Variants in MSRB3 observed in about 807,000 individuals in gnomAD.
MSRB3 encodes the protein methionine sulfoxide reductase B3, also known as methionine-R-sulfoxide reductase B3.
In MSRB3, 13 loss-of-function variants were observed where a neutral mutation model predicts 21.0. The observed-to-expected ratio is 0.62, with a 90% CI of 0.40 to 0.98. MSRB3 has a LOEUF of 0.98. Ranked by LOEUF, MSRB3 falls within the 50% of genes least tolerant of loss-of-function variation. The pLI, the probability that MSRB3 is intolerant of heterozygous loss-of-function variation, is 0.00. For synonymous variants in MSRB3, 87 were observed against 88.6 expected (o/e 0.98, Z 0.10); for missense variants, 199 against 230.3 (o/e 0.86, Z 0.88).
intron 2 of MSRB3, among the ~76,000 whole-genome samples, chr12:65,312,079 C>G (rs1289253397): frequency 6.6e-6 from 1 of 152,002 alleles, no homozygotes; most frequent in Non-Finnish European, 1.5e-5. Context: ...TTAGAAAACT[C>G]TAACCAAAGC....
chr12:65,370,756 T>TA lies in MSRB3; in HGVS notation c.292+1738dup, dbSNP rs561271681. On this transcript the variant is annotated intron_variant, in intron 5 of 6. Coordinates refer to ENST00000308259, the MANE Select transcript of MSRB3 (RefSeq NM_001031679.3). ...ACTTATTTTTTTTCAAGTTCTTATT[T>TA]AAAAAAAATCTATCATGGACAACAT... Among the ~76,000 whole-genome samples the TA allele has an allele frequency of 1.6e-4, 25 of 152,206 alleles. 1 individual carries two copies. The South Asian group carries it at 3.3e-3, about 20-fold the overall frequency.
At chr12:65,289,613 A>G (rs1872567380) in intron 1 of MSRB3, among the ~76,000 whole-genome samples, 1 of 152,080 alleles carries the variant, frequency 6.6e-6, no homozygotes, top group East Asian at 1.9e-4. Context: ...TACATGGGTA[A>G]AGTACATGTC....
chr12:65,461,997 A>G (rs1883351232), intron 6 of MSRB3, among the ~76,000 whole-genome samples: 1 of 151,840 alleles, frequency 6.6e-6, no homozygotes, highest in Non-Finnish European at 1.5e-5. Flanking sequence ...TTTATAGTTC[A>G]CTTGTTTTCT....
At chr12:65,448,337 T>G (rs961119967) in intron 5 of MSRB3, among the ~76,000 whole-genome samples, 1 of 152,198 alleles carries the variant, frequency 6.6e-6, no homozygotes, top group African/African-American at 2.4e-5. Context: ...CAATGGTAAA[T>G]GAAACAAACT....
chr12:65,304,785 G>A (rs558057893), intron 1 of MSRB3, among the ~76,000 whole-genome samples: 4 of 152,298 alleles, frequency 2.6e-5, no homozygotes, highest in African/African-American at 7.2e-5. Context: ...GAATACAAAC[G>A]GGTGAAAGCT....
intron 5 of MSRB3, among the ~76,000 whole-genome samples, chr12:65,406,434 GA>G (rs762605471): frequency 1.2e-4 from 18 of 152,154 alleles, no homozygotes; most frequent in Non-Finnish European, 2.5e-4. Context: ...TTCATGAAAG[GA>G]ATTGAAGAAC....
chr12:65,310,548 A>G (rs1873927692), intron 2 of MSRB3, among the ~76,000 whole-genome samples: 1 of 152,208 alleles, frequency 6.6e-6, no homozygotes, highest in Admixed American at 6.5e-5. Flanking sequence ...CCAATGTGTA[A>G]AAGTACCCAG....
At position 65,419,933 on chromosome 12, in the gene MSRB3, G is replaced by C. The variant is rs7311112; in HGVS notation, c.293-33795G>C. The C allele has an allele frequency of 0.015, 8,952 of 582,150 alleles. 652 individuals are homozygous for C. The African/African-American group carries it at 0.16, about 10-fold the overall frequency. The allele number at this position is 582,150 out of a possible 1,614,324, so 36.1% of individuals were successfully genotyped here. A position where few individuals can be genotyped will look rare whatever the true frequency, so the allele number is the denominator to read the frequency against. Reference sequence around the variant, plus strand: ...CTGCATAGACGTTGGTTGTGCTGCTGACCAGCCAGGTGCCATAGCTGGGCA... The same window carrying C: ...CTGCATAGACGTTGGTTGTGCTGCTCACCAGCCAGGTGCCATAGCTGGGCA... On this transcript the variant is annotated intron_variant, in intron 5 of 6. Coordinates refer to ENST00000308259, the MANE Select transcript of MSRB3 (RefSeq NM_001031679.3).
At chr12:65,381,772 G>A (rs1379066202) in intron 5 of MSRB3, among the ~76,000 whole-genome samples, 13 of 151,882 alleles carry the variant, frequency 8.6e-5, no homozygotes, top group African/African-American at 3.1e-4. Flanking sequence ...ATGATTGCTA[G>A]TCTTAGTGAA....
chr12:65,288,688 G>T lies in MSRB3; in HGVS notation c.-52+9823G>T, dbSNP rs955837180. ...GTACAGCTGGGAATTGCTTATTTAT[G>T]CTTGACAATAGATTTCAGATGAGAA... is the stretch of plus-strand genomic sequence containing the variant. On this transcript the variant is annotated intron_variant, in intron 1 of 6. Transcript: ENST00000308259. Among the ~76,000 whole-genome samples the T allele has an allele frequency of 2.6e-5, 4 of 152,106 alleles. 1 individual carries two copies. Among genetic ancestry groups the T allele is most frequent in the African/African-American group, 9.7e-5 (4 of 41,418 alleles).
intron 5 of MSRB3, among the ~76,000 whole-genome samples, chr12:65,437,222 C>G (rs1326340138): frequency 6.6e-6 from 1 of 151,778 alleles, no homozygotes; most frequent in Non-Finnish European, 1.5e-5. Context: ...TTGAATGTGA[C>G]AGATCATGGA....
intron 4 of MSRB3, among the ~76,000 whole-genome samples, chr12:65,338,683 G>A (rs1032202033): frequency 6.6e-6 from 1 of 152,160 alleles, no homozygotes; most frequent in African/African-American, 2.4e-5. Context: ...TCATCTCAAA[G>A]TGCTAGAAAA....
chr12:65,428,602 G>A (rs902081785), intron 5 of MSRB3, among the ~76,000 whole-genome samples: 4 of 152,132 alleles, frequency 2.6e-5, no homozygotes, highest in African/African-American at 9.7e-5. Flanking sequence ...ACAAACAGGA[G>A]TACGACATTA....
intron 5 of MSRB3, among the ~76,000 whole-genome samples, chr12:65,380,229 A>C (rs1286590345): frequency 6.6e-6 from 1 of 152,186 alleles, no homozygotes; most frequent in Non-Finnish European, 1.5e-5. Flanking sequence ...ACAGAGACGT[A>C]ATTGCTAAAT....
intron 4 of MSRB3, among the ~76,000 whole-genome samples, chr12:65,364,091 T>G (rs1289617330): frequency 6.6e-6 from 1 of 152,160 alleles, no homozygotes; most frequent in Non-Finnish European, 1.5e-5. Context: ...TTTTCCCTCA[T>G]GATCTAGGAA....
intron 4 of MSRB3, among the ~76,000 whole-genome samples, chr12:65,355,671 C>T (rs1001187889): frequency 1.3e-5 from 2 of 151,864 alleles, no homozygotes; most frequent in African/African-American, 2.4e-5. Flanking sequence ...TAATGGCAGT[C>T]GCATGACTCA....
At chr12:65,405,022 C>T (rs1880335504) in intron 5 of MSRB3, among the ~76,000 whole-genome samples, 1 of 151,190 alleles carries the variant, frequency 6.6e-6, no homozygotes, top group African/African-American at 2.4e-5. Context: ...GTGGTGCAGT[C>T]TTGGCTCACT....
At chr12:65,404,287 C>T (rs570369163) in intron 5 of MSRB3, among the ~76,000 whole-genome samples, 1 of 152,318 alleles carries the variant, frequency 6.6e-6, no homozygotes, top group Non-Finnish European at 1.5e-5. Context: ...TATACATTTA[C>T]AACTAATCCA....
chr12:65,411,543 C>T (rs1458692078), intron 5 of MSRB3, among the ~76,000 whole-genome samples: 1 of 151,964 alleles, frequency 6.6e-6, no homozygotes, highest in Admixed American at 6.6e-5. Flanking sequence ...TCTTTATGAT[C>T]GTTAGATTAG....
Sources: allele counts gnomAD v4.1 joint callset (sites outside exome capture counted in the v4.1 genomes callset), GRCh38; gene constraint gnomAD v4.1.1; transcripts MANE v1.5; gene names NCBI Gene and HGNC (gene_info 2026-07-23, HGNC 2026-07-21).